Variants in RBFOX1 observed in about 807,000 individuals in gnomAD.
RBFOX1 encodes RNA binding fox-1 homolog 1.
In RBFOX1, 8 loss-of-function variants were observed where a neutral mutation model predicts 57.7. The observed-to-expected ratio is 0.14, with a 90% CI of 0.08 to 0.25. The LOEUF (loss-of-function observed/expected upper bound fraction) is 0.25, where lower values mean the gene tolerates loss of function less well. RBFOX1 is among the 10% of genes least tolerant of loss of function. RBFOX1 has a pLI of 1.00. For missense variants in RBFOX1, 611 were observed against 548.5 expected (o/e 1.11, Z -1.14); for synonymous variants, 326 against 222.4 (o/e 1.47, Z -4.15).
chr16:5,548,174 A>AATATATATATAT (rs71142629), intron 2 of RBFOX1, among the ~76,000 whole-genome samples: 15 of 33,560 alleles, frequency 4.5e-4, no homozygotes, highest in South Asian at 1.9e-3. Flanking sequence ...AAAAAAAAAA[A>AATATATATATAT]ATATATATAT....
At chr16:7,034,787 A>G (rs185729128) in intron 3 of RBFOX1, among the ~76,000 whole-genome samples, 1 of 145,516 alleles carries the variant, frequency 6.9e-6, no homozygotes, top group South Asian at 2.2e-4. Context: ...TGCAATTTCT[A>G]ATTCACTTGG....
At chr16:7,252,667 C>T (rs2094537355) in intron 4 of RBFOX1, among the ~76,000 whole-genome samples, 1 of 151,304 alleles carries the variant, frequency 6.6e-6, no homozygotes. Context: ...AGCTACTTGT[C>T]CTAGACGTAA....
intron 2 of RBFOX1, among the ~76,000 whole-genome samples, chr16:6,495,378 G>T (rs1206322122): frequency 1.3e-5 from 1 of 78,474 alleles, no homozygotes; most frequent in African/African-American, 4.8e-5. Flanking sequence ...CCCCGCCCCC[G>T]CCTTGGCCTC....
chr16:7,640,887 C>G (rs949986573), intron 11 of RBFOX1, among the ~76,000 whole-genome samples: 5 of 128,004 alleles, frequency 3.9e-5, no homozygotes, highest in African/African-American at 1.2e-4. Context: ...CTTCCCCAAA[C>G]TAATGTGGAT....
intron 3 of RBFOX1, among the ~76,000 whole-genome samples, chr16:5,772,917 G>A (rs1455085220): frequency 6.6e-6 from 1 of 152,188 alleles, no homozygotes; most frequent in African/African-American, 2.4e-5. Flanking sequence ...AGACATTGGA[G>A]GAAGAATGTT....
chr16:7,227,618 C>G (rs1318875442), intron 4 of RBFOX1, among the ~76,000 whole-genome samples: 1 of 152,172 alleles, frequency 6.6e-6, no homozygotes, highest in African/African-American at 2.4e-5. Context: ...CGCAAGCATT[C>G]CAAGCCCAGT....
intron 6 of RBFOX1, among the ~76,000 whole-genome samples, chr16:7,582,431 G>C (rs1348600276): frequency 6.6e-6 from 1 of 152,102 alleles, no homozygotes; most frequent in Non-Finnish European, 1.5e-5. Flanking sequence ...TGACTTTCAA[G>C]CCTCCTTAGT....
chr16:5,980,765 G>A (rs2060155813), intron 4 of RBFOX1, among the ~76,000 whole-genome samples: 1 of 152,070 alleles, frequency 6.6e-6, no homozygotes, highest in African/African-American at 2.4e-5. Flanking sequence ...TCTGTGAATG[G>A]GTGTGTTTAA....
intron 3 of RBFOX1, among the ~76,000 whole-genome samples, chr16:6,799,902 C>T (rs527943671): frequency 4.4e-4 from 67 of 152,164 alleles, no homozygotes; most frequent in Non-Finnish European, 8.4e-4. Flanking sequence ...GGCTTCCTTG[C>T]TCTTCAGTTT....
intron 3 of RBFOX1, among the ~76,000 whole-genome samples, chr16:6,810,390 T>C (rs1251261075): frequency 6.6e-6 from 1 of 152,092 alleles, no homozygotes; most frequent in African/African-American, 2.4e-5. Flanking sequence ...GGTAGGCACA[T>C]AAACTAAGCG....
intron 3 of RBFOX1, among the ~76,000 whole-genome samples, chr16:5,661,713 T>C (rs886498406): frequency 6.6e-5 from 10 of 152,224 alleles, no homozygotes; most frequent in Admixed American, 1.3e-4. Context: ...TGCTGTCTTA[T>C]CAAATTTTAA....
chr16:7,548,629 A>T (rs1388727952), intron 5 of RBFOX1, among the ~76,000 whole-genome samples: 2 of 152,216 alleles, frequency 1.3e-5, no homozygotes, highest in South Asian at 2.1e-4. Context: ...GCTCTGGGGC[A>T]GGAGCGGGGG....
At chr16:5,394,565 C>CTTTTTTTTTTTTTTTTTTTTTTGTT (rs35758196) in intron 1 of RBFOX1, among the ~76,000 whole-genome samples, 2 of 134,270 alleles carry the variant, frequency 1.5e-5, no homozygotes, top group Non-Finnish European at 1.6e-5. Context: ...TTCTTTCTGT[C>CTTTTTTTTTTTTTTTTTTTTTTGTT]TTTTTTTTTT....
At chr16:5,726,875 G>C (rs1475030434) in intron 3 of RBFOX1, among the ~76,000 whole-genome samples, 1 of 152,122 alleles carries the variant, frequency 6.6e-6, no homozygotes, top group Admixed American at 6.5e-5. Flanking sequence ...TAGTGTCATT[G>C]ATGGTGAAGG....
intron 2 of RBFOX1, among the ~76,000 whole-genome samples, chr16:6,568,378 C>G (rs1382841884): frequency 1.3e-5 from 2 of 152,104 alleles, no homozygotes; most frequent in Admixed American, 1.3e-4. Context: ...GCTGGAGTGT[C>G]CTGGAGACAT....
rs558350042 is a variant in RBFOX1, at chr16:7,605,559, C to T, written c.623-1726C>T. On this transcript the variant is annotated intron_variant, in intron 9 of 15. Transcript: ENST00000550418. ...TCAAGTTTTAGAAAGTTCTGGATTT[C>T]GATAGACATACTGGCCTGTCTGTTG... 3.7e-4 allele frequency among the ~76,000 whole-genome samples: 56 copies of T among 152,186 alleles called. 3 individuals are homozygous for T. Among genetic ancestry groups the T allele is most frequent in the Admixed American group, 2.3e-3 (35 of 15,286 alleles).
chr16:5,446,172 C>T (rs58813085), intron 1 of RBFOX1, among the ~76,000 whole-genome samples: 10,275 of 151,946 alleles, frequency 0.068, 478 homozygotes, highest in African/African-American at 0.13. Flanking sequence ...TGATGAATTT[C>T]TCAAAGGGAC....
chr16:6,868,850 C>T (rs529657542), intron 3 of RBFOX1, among the ~76,000 whole-genome samples: 1 of 152,160 alleles, frequency 6.6e-6, no homozygotes, highest in Non-Finnish European at 1.5e-5. Context: ...CTTACTTTGA[C>T]TAATGAAATA....
Position 6,826,239 on chromosome 16 carries a change from T to G in RBFOX1, c.-16+171589T>G, listed in dbSNP as rs146250267. ...GTAAGAGCTTAGAACAGACTGAGTGTGGTGCCTTGTACCTGTAATCCCAGC... is the reference window on the plus strand; with the variant it reads ...GTAAGAGCTTAGAACAGACTGAGTGGGGTGCCTTGTACCTGTAATCCCAGC... On this transcript the variant is annotated intron_variant, in intron 3 of 15. Coordinates refer to ENST00000550418, the MANE Select transcript of RBFOX1 (RefSeq NM_018723.4). 6.6e-5 allele frequency among the ~76,000 whole-genome samples: 10 copies of G among 152,254 alleles called. 1 individual carries two copies. The South Asian group carries it at 1.9e-3, about 28-fold the overall frequency.
Sources: gnomAD v4.1 joint callset for allele counts (sites outside exome capture counted in the v4.1 genomes callset) on GRCh38, gnomAD v4.1.1 for gene constraint, MANE v1.5 for transcripts, NCBI Gene and HGNC (gene_info 2026-07-23, HGNC 2026-07-21) for gene names.